TBC1D2: variants seen among roughly 807,000 people sequenced by gnomAD.
TBC1D2 encodes TBC1 domain family member 2A.
TBC1D2 carries 58 observed loss-of-function variants against 91.1 expected under a neutral mutation model. The ratio of observed to expected loss-of-function variants is 0.64; its 90% CI spans 0.52 to 0.79. The LOEUF (loss-of-function observed/expected upper bound fraction) is 0.79. Ranked by LOEUF, TBC1D2 falls within the 30% of genes least tolerant of loss-of-function variation. The pLI is 0.00. For synonymous variants in TBC1D2, 482 were observed against 511.5 expected, an observed-to-expected ratio of 0.94 and a Z score of 0.78; for missense variants, 1,080 against 1,208.3, an observed-to-expected ratio of 0.89 and a Z score of 1.57.
intron 3 of TBC1D2, among the ~76,000 whole-genome samples, chr9:98,243,534 A>ATTTTT (rs368728395): frequency 3.2e-5 from 4 of 125,328 alleles, no homozygotes; most frequent in Non-Finnish European, 4.9e-5. Context: ...CAATGAATGT[A>ATTTTT]TTTTTTTTTT....
intron 9 of TBC1D2, 122 bp from the exon 10 acceptor site, chr9:98,203,530 C>T: frequency 2.9e-6 from 4 of 1,400,954 alleles, no homozygotes; most frequent in Non-Finnish European, 2.9e-6. Context: ...TCAGTGCAAT[C>T]CCACTCCCTA....
chr9:98,200,563 G>A (rs1828467604), intron 11 of TBC1D2, among the ~76,000 whole-genome samples, 189 bp from the exon 12 acceptor site: 2 of 151,050 alleles, frequency 1.3e-5, no homozygotes, highest in Admixed American at 1.3e-4. Flanking sequence ...CGGCGGGGTG[G>A]TGGGGGGGCG....
At chr9:98,209,719 TTCC>T (rs768336279) in intron 8 of TBC1D2, among the ~76,000 whole-genome samples, 8 of 119,182 alleles carry the variant, frequency 6.7e-5, no homozygotes, top group Admixed American at 2.4e-4. Context: ...TCTTTTTTTT[TTCC>T]TTCCTTCCTT....
intron 3 of TBC1D2, among the ~76,000 whole-genome samples, chr9:98,237,619 G>T (rs1829539051): frequency 6.6e-6 from 1 of 151,256 alleles, no homozygotes; most frequent in Admixed American, 6.6e-5. Context: ...CGATTCTCCT[G>T]CCTCAGCCTC....
At chr9:98,226,622 G>C (rs1829238811) in intron 5 of TBC1D2, among the ~76,000 whole-genome samples, 1 of 152,234 alleles carries the variant, frequency 6.6e-6, no homozygotes, top group Admixed American at 6.5e-5. Context: ...AAGTTCATTT[G>C]TGGAATGGGT....
At chr9:98,210,151 A>G (rs1828793074) in intron 8 of TBC1D2, among the ~76,000 whole-genome samples, 1 of 152,188 alleles carries the variant, frequency 6.6e-6, no homozygotes, top group African/African-American at 2.4e-5. Context: ...ATGGAGGCTG[A>G]GTACGAGGCT....
Position 98,203,366 on chromosome 9 carries a change from G to T in TBC1D2, c.2193C>A (p.Ser731Arg). 3 of 1,614,206 alleles carry T rather than the reference G, an allele frequency of 1.9e-6. No homozygotes were observed. Among genetic ancestry groups the T allele is most frequent in the Non-Finnish European group, 2.5e-6 (3 of 1,180,040 alleles). Residue 731 changes from serine (S) to arginine (R), a missense_variant, in exon 10 of 13, where the codon AGC (serine) becomes AGA (arginine). Coordinates refer to ENST00000465784, the MANE Select transcript of TBC1D2 (RefSeq NM_001267571.2). ...IALLVLEEEE[S>R]AFWCLVAIVE... ...CAATGGCCACCAGGCACCAGAAGGC[G>T]CTCTCCTCCTCCTCTAGGACCAGCA...
chr9:98,209,953 C>T (rs1192535566), intron 8 of TBC1D2, among the ~76,000 whole-genome samples: 4 of 130,254 alleles, frequency 3.1e-5, no homozygotes, highest in Non-Finnish European at 7.1e-5. Flanking sequence ...CTCAGCCTTC[C>T]GAGTAGCTGG....
intron 1 of TBC1D2, among the ~76,000 whole-genome samples, chr9:98,252,141 C>A (rs114066979): frequency 1.3e-3 from 205 of 152,284 alleles, no homozygotes; most frequent in African/African-American, 4.9e-3. Context: ...GCCTCAGTTT[C>A]CTCATCTGTA....
At chr9:98,210,404 C>T (rs1317492530) in intron 8 of TBC1D2, among the ~76,000 whole-genome samples, 1 of 152,208 alleles carries the variant, frequency 6.6e-6, no homozygotes, top group Non-Finnish European at 1.5e-5. Flanking sequence ...ATTTGGGAGG[C>T]AGCCTAGATA....
intron 5 of TBC1D2, among the ~76,000 whole-genome samples, chr9:98,221,707 A>G (rs1320225128): frequency 1.3e-5 from 2 of 151,030 alleles, no homozygotes; most frequent in African/African-American, 2.4e-5. Context: ...GAAACCTCTC[A>G]CTCGTTTTGG....
intron 3 of TBC1D2, among the ~76,000 whole-genome samples, chr9:98,234,476 G>A (rs926382335): frequency 1.3e-5 from 2 of 152,180 alleles, no homozygotes; most frequent in African/African-American, 4.8e-5. Flanking sequence ...AGTGTATTTC[G>A]AACTGAAAGT....
intron 6 of TBC1D2, 57 bp from the exon 7 acceptor site, chr9:98,213,275 G>A (rs1828895648): frequency 1.9e-6 from 3 of 1,602,670 alleles, no homozygotes; most frequent in South Asian, 1.1e-5. Flanking sequence ...CCTGGTCCTG[G>A]GGAGTCACAC....
chr9:98,215,757 C>T (rs533105367), intron 6 of TBC1D2, among the ~76,000 whole-genome samples: 12 of 152,284 alleles, frequency 7.9e-5, no homozygotes, highest in East Asian at 5.8e-4. Context: ...CCTTCCACCT[C>T]GGCCTCCTAA....
rs41305493 is a variant in TBC1D2 at position 98,208,832 on chromosome 9, G to T, written c.1986C>A (p.Arg662=). Residue 662 remains arginine (R), a synonymous_variant, in exon 9 of 13, where the codon CGC becomes CGA. Transcript: ENST00000465784. ...CAATCTGGCGGGCAGCAGGGTGCTC[G>T]CGGGCCTGGCCCCGGCTCAGCAGTT... The part of the protein sequence containing the change: ...YQELLSRGQA[R]EHPAARQIEL... 8.7e-6 allele frequency: 14 copies of T among 1,607,558 alleles called. No homozygotes were observed. The South Asian group carries it at 1.2e-4, about 14-fold the overall frequency.
Position 98,242,803 on chromosome 9 carries a change from C to CTTTTTTT in TBC1D2, c.647+1184_647+1190dup, listed in dbSNP as rs36035887. Among the ~76,000 whole-genome samples the CTTTTTTT allele has an allele frequency of 7.9e-4, 66 of 83,166 alleles. 10 individuals are homozygous for CTTTTTTT. The highest frequency in any genetic ancestry group is 3.2e-3 in the African/African-American group (60 of 19,044). 54.6% of individuals were successfully genotyped at this position (83,166 alleles called of 152,430 possible). A position where few individuals can be genotyped will look rare whatever the true frequency, so the allele number is the denominator to read the frequency against. On this transcript the variant is annotated intron_variant, in intron 3 of 12. Transcript: ENST00000465784. The stretch of plus-strand genomic sequence containing the variant: ...TCCAAAGCCCAGGCCACACTGCTGC[C>CTTTTTTT]TTTTTTTTTTTTTTTTTTTTTTTTT...
intron 4 of TBC1D2, among the ~76,000 whole-genome samples, chr9:98,230,310 C>T (rs1829335222): frequency 6.6e-6 from 1 of 152,180 alleles, no homozygotes; most frequent in South Asian, 2.1e-4. Context: ...TCCCTCTTTG[C>T]CTTGGCTGCT....
intron 7 of TBC1D2, among the ~76,000 whole-genome samples, chr9:98,212,060 G>T (rs1452651990): frequency 2.0e-5 from 3 of 152,042 alleles, no homozygotes; most frequent in African/African-American, 7.2e-5. Flanking sequence ...GCCTCCCAAA[G>T]CGCTGGGATT....
intron 3 of TBC1D2, among the ~76,000 whole-genome samples, chr9:98,242,666 C>A (rs771022559): frequency 9.9e-5 from 15 of 152,076 alleles, no homozygotes; most frequent in Non-Finnish European, 1.5e-5. Context: ...ATAAGGCAAG[C>A]GCTGTTGTAT....
Sources: allele counts gnomAD v4.1 joint callset (sites outside exome capture counted in the v4.1 genomes callset), GRCh38; gene constraint gnomAD v4.1.1; transcripts MANE v1.5; gene names NCBI Gene and HGNC (gene_info 2026-07-23, HGNC 2026-07-21).